CSMD1: variants seen among roughly 807,000 people sequenced by gnomAD.
CSMD1 encodes the protein CUB and sushi domain-containing protein 1.
A neutral mutation model predicts 417.5 loss-of-function variants in CSMD1; 213 were observed. That is an observed-to-expected ratio of 0.51 (90% confidence interval 0.46 to 0.57). CSMD1 has a LOEUF of 0.57. Among genes scored for constraint, CSMD1 ranks in the 20% least tolerant of loss-of-function variants. The pLI is 0.00. For missense variants in CSMD1, 6,923 were observed against 4,529.7 expected (o/e 1.53, Z -15.17); for synonymous variants, 2,862 against 1,736.8 (o/e 1.65, Z -16.11).
chr8:4,989,068 G>C (rs1007407479), intron 1 of CSMD1, among the ~76,000 whole-genome samples: 1 of 152,162 alleles, frequency 6.6e-6, no homozygotes, highest in Non-Finnish European at 1.5e-5. Context: ...CTTGCATTTA[G>C]GCATGAATAC....
intron 3 of CSMD1, among the ~76,000 whole-genome samples, chr8:4,325,992 C>G (rs1035099658): frequency 6.6e-6 from 1 of 152,108 alleles, no homozygotes; most frequent in Admixed American, 6.5e-5. Flanking sequence ...ACCTGGGGTA[C>G]GAACTCAGTA....
intron 1 of CSMD1, among the ~76,000 whole-genome samples, chr8:4,673,629 A>G (rs531729566): frequency 2.6e-5 from 4 of 152,146 alleles, no homozygotes; most frequent in African/African-American, 4.8e-5. Context: ...TCTAGGAATC[A>G]TGCTTTGTGG....
chr8:3,708,137 G>A (rs1445380410), intron 7 of CSMD1, among the ~76,000 whole-genome samples: 1 of 152,178 alleles, frequency 6.6e-6, no homozygotes, highest in Non-Finnish European at 1.5e-5. Context: ...GACTGACCGT[G>A]TCACATATAC....
chr8:4,900,566 G>C (rs1319991085), intron 1 of CSMD1, among the ~76,000 whole-genome samples: 1 of 152,096 alleles, frequency 6.6e-6, no homozygotes, highest in Non-Finnish European at 1.5e-5. Flanking sequence ...GCTTCTCCCA[G>C]TGCCACCTTT....
At chr8:4,072,100 A>T (rs985085979) in intron 3 of CSMD1, among the ~76,000 whole-genome samples, 1 of 152,220 alleles carries the variant, frequency 6.6e-6, no homozygotes, top group Non-Finnish European at 1.5e-5. Flanking sequence ...AAATCAAAAA[A>T]TGGATGATTC....
intron 2 of CSMD1, among the ~76,000 whole-genome samples, chr8:4,510,390 T>TAAAAAAAAAAAAAAAAAAAAAAAAAAAAA (rs34791623): frequency 9.2e-5 from 5 of 54,644 alleles, no homozygotes; most frequent in Non-Finnish European, 9.8e-5. Context: ...GCATAATGCC[T>TAAAAAAAAAAAAAAAAAAAAAAAAAAAAA]AAAAAAAAAA....
intron 36 of CSMD1, among the ~76,000 whole-genome samples, chr8:3,184,381 C>T (rs551594945): frequency 2.0e-5 from 3 of 152,286 alleles, no homozygotes; most frequent in South Asian, 4.1e-4. Flanking sequence ...CTGATTAGGA[C>T]ACAGCCTCAA....
chr8:4,941,443 T>C (rs1486673386), intron 1 of CSMD1, among the ~76,000 whole-genome samples: 3 of 152,190 alleles, frequency 2.0e-5, no homozygotes, highest in Non-Finnish European at 4.4e-5. Context: ...GGAAGCCATG[T>C]TGTACAACAA....
chr8:4,363,330 T>C (rs1370115913), intron 3 of CSMD1, among the ~76,000 whole-genome samples: 6 of 152,164 alleles, frequency 3.9e-5, no homozygotes, highest in Admixed American at 6.6e-5. Context: ...ACAGGTACCC[T>C]GCATAACTGT....
chr8:3,984,510 G>A (rs1293285600), intron 5 of CSMD1, among the ~76,000 whole-genome samples: 1 of 151,558 alleles, frequency 6.6e-6, no homozygotes, highest in African/African-American at 2.4e-5. Flanking sequence ...TTTGAATCCA[G>A]CAGTAATAAG....
At chr8:4,157,331 A>G (rs951098059) in intron 3 of CSMD1, among the ~76,000 whole-genome samples, 1 of 152,228 alleles carries the variant, frequency 6.6e-6, no homozygotes, top group Non-Finnish European at 1.5e-5. Context: ...GGGTGGGCAG[A>G]GCCCAAGATA....
intron 7 of CSMD1, among the ~76,000 whole-genome samples, chr8:3,643,059 G>A (rs1797385354): frequency 6.6e-6 from 1 of 152,082 alleles, no homozygotes; most frequent in Admixed American, 6.5e-5. Flanking sequence ...GTGCATGTGA[G>A]TGTCGACGGC....
intron 2 of CSMD1, among the ~76,000 whole-genome samples, chr8:4,443,049 A>T (rs993238670): frequency 2.6e-5 from 4 of 152,210 alleles, no homozygotes; most frequent in African/African-American, 9.6e-5. Context: ...AATTGTGAAT[A>T]TACAATTATT....
chr8:3,309,455 A>C (rs1805154603), intron 23 of CSMD1, among the ~76,000 whole-genome samples: 1 of 152,198 alleles, frequency 6.6e-6, no homozygotes. Flanking sequence ...TCATCAAAAT[A>C]AGCTCTTAAA....
intron 7 of CSMD1, among the ~76,000 whole-genome samples, chr8:3,674,940 G>T (rs1354920026): frequency 6.6e-6 from 1 of 152,142 alleles, no homozygotes; most frequent in Non-Finnish European, 1.5e-5. Flanking sequence ...CACCCCCTAA[G>T]CCTCTGTAGG....
At chr8:4,070,443 C>T (rs998664497) in intron 3 of CSMD1, among the ~76,000 whole-genome samples, 6 of 151,920 alleles carry the variant, frequency 3.9e-5, no homozygotes, top group Non-Finnish European at 7.4e-5. Context: ...CTGCAAGCTC[C>T]GCCTCCCGGG....
chr8:3,612,905 G>C (rs914801299), intron 8 of CSMD1, among the ~76,000 whole-genome samples: 9 of 151,992 alleles, frequency 5.9e-5, no homozygotes, highest in African/African-American at 1.7e-4. Context: ...ATAGTAAACA[G>C]AGGAAATAAA....
chr8:3,554,381 A>T (rs545514261), intron 10 of CSMD1, among the ~76,000 whole-genome samples: 1 of 152,292 alleles, frequency 6.6e-6, no homozygotes, highest in East Asian at 1.9e-4. Context: ...CCAATTTGGG[A>T]TTGAGGAGGA....
rs530872197 is a variant in CSMD1 at position 4,469,180 on chromosome 8, G to C, written c.303-49115C>G. On this transcript the variant is annotated intron_variant, in intron 2 of 69. Transcript: ENST00000635120. ...CTTACTTAAAGACAAATACACATCA[G>C]TGGCAGGGACCTAGAAATTACCTCT... 5.3e-5 allele frequency among the ~76,000 whole-genome samples: 8 copies of C among 152,244 alleles called. No homozygotes were observed. In the East Asian group the frequency reaches 1.4e-3, roughly 26 times the overall value.
Sources: gnomAD v4.1 joint callset for allele counts (sites outside exome capture counted in the v4.1 genomes callset) on GRCh38, gnomAD v4.1.1 for gene constraint, MANE v1.5 for transcripts, NCBI Gene and HGNC (gene_info 2026-07-23, HGNC 2026-07-21) for gene names.